Variants in PDE11A observed in about 807,000 individuals in gnomAD.
PDE11A encodes phosphodiesterase 11A.
A neutral mutation model predicts 100.5 loss-of-function variants in PDE11A; 100 were observed. The ratio of observed to expected loss-of-function variants is 1.00; its 90% CI spans 0.85 to 1.18. The LOEUF (loss-of-function observed/expected upper bound fraction) is 1.18. Among genes scored for constraint, PDE11A ranks in the 50% most tolerant of loss-of-function variants. The pLI, the probability that PDE11A is intolerant of heterozygous loss-of-function variation, is 0.00. For synonymous variants in PDE11A, 381 were observed against 420.8 expected (o/e 0.91, Z 1.16); for missense variants, 1,141 against 1,152.6 (o/e 0.99, Z 0.15).
chr2:177,881,379 C>A (rs1407387369), intron 4 of PDE11A, among the ~76,000 whole-genome samples: 1 of 151,820 alleles, frequency 6.6e-6, no homozygotes, highest in Non-Finnish European at 1.5e-5. Context: ...ATCTATCTAT[C>A]TATCTATCCA....
intron 8 of PDE11A, 122 bp from the exon 9 acceptor site, chr2:177,817,043 C>A: frequency 1.4e-6 from 1 of 716,510 alleles, no homozygotes; most frequent in Non-Finnish European, 2.6e-6. Context: ...CAGAGGTAGG[C>A]CTTGGGGAAA....
At chr2:177,785,249 T>G (rs1339226848) in intron 9 of PDE11A, among the ~76,000 whole-genome samples, 1 of 152,144 alleles carries the variant, frequency 6.6e-6, no homozygotes, top group Non-Finnish European at 1.5e-5. Context: ...TCCACCTGAT[T>G]TCAAGGAAGT....
chr2:178,035,118 A>G (rs1419057934), intron 1 of PDE11A, among the ~76,000 whole-genome samples: 1 of 152,190 alleles, frequency 6.6e-6, no homozygotes, highest in African/African-American at 2.4e-5. Context: ...AACAAAATAG[A>G]TGGACCACTA....
At chr2:177,721,306 G>A (rs534775398) in intron 12 of PDE11A, among the ~76,000 whole-genome samples, 18 of 152,142 alleles carry the variant, frequency 1.2e-4, no homozygotes, top group African/African-American at 3.4e-4. Flanking sequence ...GTTTGCTAGC[G>A]TATTTCAAAG....
intron 2 of PDE11A, among the ~76,000 whole-genome samples, chr2:177,984,835 T>C (rs139703252): frequency 6.6e-6 from 1 of 152,200 alleles, no homozygotes; most frequent in African/African-American, 2.4e-5. Context: ...AATTCAAGAA[T>C]ACCTTCTACC....
intron 10 of PDE11A, among the ~76,000 whole-genome samples, chr2:177,757,867 G>T (rs1455800483): frequency 6.6e-6 from 1 of 152,094 alleles, no homozygotes; most frequent in East Asian, 1.9e-4. Flanking sequence ...GTTACAGTGG[G>T]ACTGTAACAG....
chr2:177,997,627 C>T (rs994474344), intron 2 of PDE11A: 69 of 1,293,124 alleles, frequency 5.3e-5, no homozygotes, highest in Non-Finnish European at 6.4e-5. Context: ...TTGCAGGCCT[C>T]GTGCAAAGTA....
chr2:178,058,891 A>G (rs2086931645), intron 1 of PDE11A, among the ~76,000 whole-genome samples: 1 of 152,138 alleles, frequency 6.6e-6, no homozygotes, highest in East Asian at 1.9e-4. Context: ...AGAGTTTGCC[A>G]TTCTCATTAT....
At chr2:177,702,223 G>C (rs2105543198) in intron 13 of PDE11A, among the ~76,000 whole-genome samples, 1 of 152,052 alleles carries the variant, frequency 6.6e-6, no homozygotes, top group South Asian at 2.1e-4. Flanking sequence ...TCTGAGGCAG[G>C]AGAATCACTC....
intron 2 of PDE11A, among the ~76,000 whole-genome samples, chr2:177,916,134 T>C (rs555681378): frequency 6.6e-6 from 1 of 152,334 alleles, no homozygotes; most frequent in South Asian, 2.1e-4. Flanking sequence ...TTTCTGACAC[T>C]CATGTTCAAG....
At chr2:177,894,203 G>T (rs920448972) in intron 4 of PDE11A, among the ~76,000 whole-genome samples, 6 of 152,134 alleles carry the variant, frequency 3.9e-5, no homozygotes, top group East Asian at 1.9e-4. Flanking sequence ...AAGCCTAAAG[G>T]TTTGAGAAGC....
At chr2:177,966,270 A>C (rs1171623095) in intron 2 of PDE11A, among the ~76,000 whole-genome samples, 3 of 151,822 alleles carry the variant, frequency 2.0e-5, no homozygotes, top group Non-Finnish European at 4.4e-5. Flanking sequence ...AGAGTATGGG[A>C]TTTTCTAGGT....
chr2:177,947,630 G>A (rs1193546568), intron 2 of PDE11A, among the ~76,000 whole-genome samples: 1 of 151,574 alleles, frequency 6.6e-6, no homozygotes, highest in South Asian at 2.1e-4. Flanking sequence ...CAAACACTGC[G>A]GAAGGCCGCA....
chr2:177,811,683 C>T (rs57157809), intron 9 of PDE11A, among the ~76,000 whole-genome samples: 16,941 of 151,498 alleles, frequency 0.11, 1,085 homozygotes, highest in African/African-American at 0.19. Context: ...AAGCTTTGTC[C>T]TTGGAGATGT....
At chr2:177,820,588 A>C (rs1354903684) in intron 6 of PDE11A, among the ~76,000 whole-genome samples, 2 of 151,950 alleles carry the variant, frequency 1.3e-5, no homozygotes, top group Non-Finnish European at 2.9e-5. Context: ...TATCTTGATC[A>C]TGACCACACC....
At chr2:178,057,806 T>C (rs2086917144) in intron 1 of PDE11A, among the ~76,000 whole-genome samples, 1 of 152,158 alleles carries the variant, frequency 6.6e-6, no homozygotes, top group South Asian at 2.1e-4. Context: ...CCTACCCTTA[T>C]GTATGAGAAA....
chr2:177,876,223 T>C (rs2084238757), intron 4 of PDE11A, among the ~76,000 whole-genome samples: 1 of 152,222 alleles, frequency 6.6e-6, no homozygotes, highest in African/African-American at 2.4e-5. Flanking sequence ...CTCATTTGAA[T>C]ACTTAAAAAG....
intron 5 of PDE11A, among the ~76,000 whole-genome samples, chr2:177,853,635 C>CATATATATAT (rs371434526): frequency 1.9e-4 from 7 of 36,214 alleles, no homozygotes; most frequent in Non-Finnish European, 3.0e-4. Flanking sequence ...ACAAGTCCTG[C>CATATATATAT]ATATATATAT....
In PDE11A at chr2:177,841,025, T is replaced by C. The variant is rs945854164; in HGVS notation, c.1368-642A>G. On this transcript the variant is annotated intron_variant, in intron 5 of 19. Transcript: ENST00000286063. ...ACTTACAAAATCTCACTTAAAAGGC[T>C]ATTTAATGCAACAGACCCTTAACAT... Among the ~76,000 whole-genome samples the C allele has an allele frequency of 4.6e-5, 7 of 152,210 alleles. No homozygotes were observed. The South Asian group carries it at 6.2e-4, about 13-fold the overall frequency.
Sources: gnomAD v4.1 joint callset for allele counts (sites outside exome capture counted in the v4.1 genomes callset) on GRCh38, gnomAD v4.1.1 for gene constraint, MANE v1.5 for transcripts, NCBI Gene and HGNC (gene_info 2026-07-23, HGNC 2026-07-21) for gene names.